ROBO2: variants seen among roughly 807,000 people sequenced by gnomAD.
ROBO2 encodes roundabout homolog 2.
ROBO2 carries 53 observed loss-of-function variants against 160.8 expected under a neutral mutation model. The observed-to-expected ratio is 0.33, with a 90% CI of 0.26 to 0.41. The LOEUF is 0.41. Ranked by LOEUF, ROBO2 falls within the 10% of genes least tolerant of loss-of-function variation. The pLI, the probability that ROBO2 is intolerant of heterozygous loss-of-function variation, is 1.00. For missense variants in ROBO2, 1,577 were observed against 1,722.4 expected (o/e 0.92, Z 1.49); for synonymous variants, 664 against 611.7 (o/e 1.09, Z -1.26).
At chr3:77,471,755 T>C (rs562819395) in intron 2 of ROBO2, among the ~76,000 whole-genome samples, 1 of 152,290 alleles carries the variant, frequency 6.6e-6, no homozygotes, top group African/African-American at 2.4e-5. Context: ...TGAAGCTTAA[T>C]TATTCTCCTC....
At position 76,330,613 on chromosome 3, in the gene ROBO2, A is replaced by T. The variant is rs528363117; in HGVS notation, c.109+393011A>T. ...ATTCTTATAACATTGGTTAAAAAAT[A>T]AAATAAAAGATCATCATTAAGAGCA... is the stretch of plus-strand genomic sequence containing the variant. On this transcript the variant is annotated intron_variant, in intron 2 of 26. Coordinates refer to the ROBO2 transcript ENST00000487694. 9.2e-5 allele frequency among the ~76,000 whole-genome samples: 14 copies of T among 152,334 alleles called. No homozygotes were observed. The South Asian group carries it at 1.9e-3, about 20-fold the overall frequency.
chr3:76,363,366 A>G (rs1033197535), intron 2 of ROBO2, among the ~76,000 whole-genome samples: 1 of 152,100 alleles, frequency 6.6e-6, no homozygotes, highest in Admixed American at 6.6e-5. Flanking sequence ...TTGGCCTCAT[A>G]TATCACTACC....
At chr3:76,648,648 T>C (rs752712596) in intron 2 of ROBO2, among the ~76,000 whole-genome samples, 2 of 152,004 alleles carry the variant, frequency 1.3e-5, no homozygotes, top group Non-Finnish European at 2.9e-5. Flanking sequence ...TTTCAGAGAA[T>C]AAGTAAATCA....
At chr3:76,444,213 A>G (rs1182703921) in intron 2 of ROBO2, among the ~76,000 whole-genome samples, 2 of 152,050 alleles carry the variant, frequency 1.3e-5, no homozygotes, top group African/African-American at 4.8e-5. Flanking sequence ...CTCATGACCT[A>G]GTGATCCACC....
At chr3:77,252,834 A>G (rs2090531804) in intron 2 of ROBO2, among the ~76,000 whole-genome samples, 1 of 108,280 alleles carries the variant, frequency 9.2e-6, no homozygotes, top group African/African-American at 3.2e-5. Flanking sequence ...AAAAAAAAAT[A>G]TATATATATA....
At chr3:76,828,978 T>A (rs1394372866) in intron 2 of ROBO2, among the ~76,000 whole-genome samples, 1 of 152,116 alleles carries the variant, frequency 6.6e-6, no homozygotes, top group Non-Finnish European at 1.5e-5. Flanking sequence ...CCATGATTCT[T>A]TTGCCCACCT....
intron 2 of ROBO2, among the ~76,000 whole-genome samples, chr3:77,017,743 T>C (rs2062365600): frequency 6.8e-6 from 1 of 146,586 alleles, no homozygotes; most frequent in South Asian, 2.1e-4. Context: ...TTTAAAGTAA[T>C]TTTTCTATTT....
intron 2 of ROBO2, among the ~76,000 whole-genome samples, chr3:76,197,039 C>A (rs944388413): frequency 6.6e-6 from 1 of 152,188 alleles, no homozygotes; most frequent in East Asian, 1.9e-4. Context: ...TCAGTTAAGT[C>A]GCTGGTTATA....
chr3:76,800,926 A>G (rs1420912785), intron 2 of ROBO2, among the ~76,000 whole-genome samples: 3 of 152,254 alleles, frequency 2.0e-5, no homozygotes, highest in Non-Finnish European at 4.4e-5. Context: ...GGAAATCAGT[A>G]TATTGAAGAG....
At chr3:76,251,372 A>G (rs1337960385) in intron 2 of ROBO2, among the ~76,000 whole-genome samples, 2 of 152,094 alleles carry the variant, frequency 1.3e-5, no homozygotes, top group Non-Finnish European at 2.9e-5. Context: ...GCCAGTGAAC[A>G]GCTGTAGATC....
chr3:77,158,617 T>C (rs922506842), intron 2 of ROBO2, among the ~76,000 whole-genome samples: 1 of 152,168 alleles, frequency 6.6e-6, no homozygotes, highest in Non-Finnish European at 1.5e-5. Flanking sequence ...ATATCTTAGA[T>C]AATAAATACT....
chr3:76,750,660 CAGAG>C (rs1210097508), intron 2 of ROBO2, among the ~76,000 whole-genome samples: 2 of 151,282 alleles, frequency 1.3e-5, no homozygotes, highest in East Asian at 2.0e-4. Flanking sequence ...AACAGACAAA[CAGAG>C]AGCCAAATCA....
rs372549024 is a variant in ROBO2 at position 76,057,242 on chromosome 3, A to G, written c.109+119640A>G. Among the ~76,000 whole-genome samples the G allele has an allele frequency of 2.6e-5, 4 of 152,154 alleles. No individual in the cohort carries two copies. The South Asian group carries it at 8.3e-4, about 32-fold the overall frequency. On this transcript the variant is annotated intron_variant, in intron 2 of 26. Coordinates refer to the ROBO2 transcript ENST00000487694. ...CCACCCACAGCCTGCAGTGCCTGGGACATTGCTGGAGTTCCTTAAAGTCAT... is the reference window on the plus strand; with the variant it reads ...CCACCCACAGCCTGCAGTGCCTGGGGCATTGCTGGAGTTCCTTAAAGTCAT...
At chr3:77,090,382 T>C (rs1162394387) in intron 1 of ROBO2, among the ~76,000 whole-genome samples, 2 of 121,940 alleles carry the variant, frequency 1.6e-5, no homozygotes, top group Admixed American at 9.9e-5. Flanking sequence ...GAGACGGAGT[T>C]TCGCTCTGTG....
chr3:76,737,076 T>C (rs1297790612), intron 2 of ROBO2, among the ~76,000 whole-genome samples: 1 of 152,206 alleles, frequency 6.6e-6, no homozygotes, highest in East Asian at 1.9e-4. Flanking sequence ...GGTTTAAAAA[T>C]ATGTTGTAAG....
chr3:76,608,161 C>A lies in ROBO2; in HGVS notation c.110-489853C>A, dbSNP rs545247441. On this transcript the variant is annotated intron_variant, in intron 2 of 26. Transcript: ENST00000487694. ...ATCCAATTTCTGTGGACTTCCTCAA[C>A]CTCCTGTTCTGTTACTTTGCCACAC... Among the ~76,000 whole-genome samples the A allele has an allele frequency of 5.9e-5, 9 of 152,316 alleles. No individual in the cohort carries two copies. In the East Asian group the frequency reaches 1.5e-3, roughly 26 times the overall value.
chr3:76,264,483 C>G (rs1166252665), intron 2 of ROBO2, among the ~76,000 whole-genome samples: 3 of 151,992 alleles, frequency 2.0e-5, no homozygotes, highest in Non-Finnish European at 4.4e-5. Flanking sequence ...ATGTATGTCT[C>G]TCGCTTTCTT....
intron 2 of ROBO2, among the ~76,000 whole-genome samples, chr3:76,214,040 T>C (rs1703330334): frequency 6.6e-6 from 1 of 152,148 alleles, no homozygotes; most frequent in African/African-American, 2.4e-5. Flanking sequence ...CCAGGAATAA[T>C]GTTTTGCCAG....
At chr3:76,852,147 T>C (rs2069469429) in intron 2 of ROBO2, among the ~76,000 whole-genome samples, 2 of 152,198 alleles carry the variant, frequency 1.3e-5, no homozygotes, top group African/African-American at 2.4e-5. Context: ...ACGCGACACA[T>C]TGGGAAACTT....
Sources: gnomAD v4.1 joint callset for allele counts (sites outside exome capture counted in the v4.1 genomes callset) on GRCh38, gnomAD v4.1.1 for gene constraint, MANE v1.5 for transcripts, NCBI Gene and HGNC (gene_info 2026-07-23, HGNC 2026-07-21) for gene names.